Variants in IFT57 observed in about 807,000 individuals in gnomAD.
IFT57 encodes the protein intraflagellar transport 57, also known as intraflagellar transport protein 57 homolog.
IFT57 carries 59 observed loss-of-function variants against 56.8 expected under a neutral mutation model. The ratio of observed to expected loss-of-function variants is 1.04; its 90% confidence interval spans 0.84 to 1.29. IFT57 has a LOEUF of 1.29. IFT57 is among the 50% of genes most tolerant of loss of function. The pLI is 0.00. For missense variants in IFT57, 470 were observed against 522.1 expected (o/e 0.90, Z 0.97); for synonymous variants, 209 against 186.1 (o/e 1.12, Z -1.00).
chr3:108,165,381 C>A, intron 9 of IFT57, 50 bp downstream of exon 9: 1 of 1,484,110 alleles, frequency 6.7e-7, no homozygotes, highest in Non-Finnish European at 9.4e-7. Flanking sequence ...TTCTCAATGG[C>A]TGGGGCCCAG....
In IFT57 at chr3:108,222,259, C is replaced by A. The variant is rs762869978; in HGVS notation, c.64G>T (p.Gly22Cys). The change falls in exon 1 of 11, where the codon GGC becomes TGC. Residue 22 changes from glycine to cysteine, a missense_variant. By Grantham distance (159) the Gly-to-Cys change is radical. Coordinates refer to ENST00000264538, the MANE Select transcript of IFT57 (RefSeq NM_018010.4). ...AAGACCACTTCCCCGGTCCCTTCGC[C>A]ACGGGACCTAGGCACCCCATCTTCC... is the stretch of plus-strand genomic sequence containing the variant. The part of the protein sequence containing the change: ...GLEDGVPRSR[G>C]EGTGEVVLER... The A allele has an allele frequency of 1.2e-6, 2 of 1,614,092 alleles. No homozygotes were observed. The highest frequency in any genetic ancestry group is 1.7e-6 in the Non-Finnish European group (2 of 1,180,028).
intron 6 of IFT57, among the ~76,000 whole-genome samples, chr3:108,181,051 T>C (rs2080148912): frequency 6.6e-6 from 1 of 152,064 alleles, no homozygotes; most frequent in African/African-American, 2.4e-5. Flanking sequence ...TGATGCTCTT[T>C]AGTTACAACT....
chr3:108,176,048 C>CA (rs2108311845), intron 6 of IFT57, among the ~76,000 whole-genome samples: 1 of 151,912 alleles, frequency 6.6e-6, no homozygotes, highest in African/African-American at 2.4e-5. Flanking sequence ...CACTTTCCAT[C>CA]AAAAAACGTT....
In IFT57 at chr3:108,219,699, T is replaced by G; in HGVS notation, c.213-127A>C. ...CCCCCCAAATGGCCATCAAAAGACC[T>G]CGATAATTCACCCTTTGAAGTTTCC... On this transcript the variant is annotated intron_variant, in intron 1 of 10. Transcript: ENST00000264538. 4 of 911,106 alleles carry G rather than the reference T, an allele frequency of 4.4e-6. No individual in the cohort carries two copies. The South Asian group carries it at 6.8e-5, about 16-fold the overall frequency. The allele number at this position is 911,106 out of a possible 1,614,324, so 56.4% of individuals were successfully genotyped here.
chr3:108,175,156 G>C (rs2080117206), intron 6 of IFT57, among the ~76,000 whole-genome samples: 1 of 151,702 alleles, frequency 6.6e-6, no homozygotes, highest in Non-Finnish European at 1.5e-5. Flanking sequence ...TCAAGTTCTT[G>C]CTGGGGTCTA....
chr3:108,211,362 C>T (rs11928402), intron 4 of IFT57, among the ~76,000 whole-genome samples: 13,930 of 152,256 alleles, frequency 0.091, 703 homozygotes, highest in Middle Eastern at 0.12. Flanking sequence ...TGAGCTTGAA[C>T]GGAAAGATCT....
At chr3:108,202,779 T>C (rs932403413) in intron 5 of IFT57, among the ~76,000 whole-genome samples, 9 of 152,222 alleles carry the variant, frequency 5.9e-5, no homozygotes, top group African/African-American at 1.7e-4. Flanking sequence ...ACTTTAAATA[T>C]ATTTTTTAAA....
intron 6 of IFT57, among the ~76,000 whole-genome samples, chr3:108,174,237 C>G (rs565967932): frequency 2.5e-4 from 38 of 151,498 alleles, no homozygotes; most frequent in Non-Finnish European, 4.3e-4. Context: ...ATGATTATAA[C>G]TGTGGCATTT....
intron 6 of IFT57, among the ~76,000 whole-genome samples, chr3:108,190,089 A>T (rs2080206999): frequency 6.6e-6 from 1 of 152,106 alleles, no homozygotes. Context: ...TGTAACGTTT[A>T]TTGGGAAGTC....
At chr3:108,185,160 A>G (rs1392293408) in intron 6 of IFT57, among the ~76,000 whole-genome samples, 3 of 152,176 alleles carry the variant, frequency 2.0e-5, no homozygotes, top group Admixed American at 6.6e-5. Flanking sequence ...TTTCTCTTAT[A>G]CTGAAAATGC....
Position 108,191,520 on chromosome 3 carries a change from C to G in IFT57, c.777+1G>C. Reference sequence around the variant, plus strand: ...AAGAAAATGTGTTCCCACTTTGATACCTTATTGTCAGTCCTAATCGTGACT... The same window carrying G: ...AAGAAAATGTGTTCCCACTTTGATAGCTTATTGTCAGTCCTAATCGTGACT... On this transcript the variant is annotated splice_donor_variant, in intron 6 of 10. Coordinates refer to ENST00000264538, the MANE Select transcript of IFT57 (RefSeq NM_018010.4). LOFTEE classifies it high-confidence loss of function. The G allele has an allele frequency of 6.4e-7, 1 of 1,574,432 alleles. No homozygotes were observed. The highest frequency in any genetic ancestry group is 8.6e-7 in the Non-Finnish European group (1 of 1,162,712).
intron 5 of IFT57, 93 bp downstream of exon 5, chr3:108,206,535 C>A: frequency 2.0e-6 from 1 of 503,488 alleles, no homozygotes; most frequent in South Asian, 4.5e-5. Context: ...GCATACAAAA[C>A]AATGGCCAAC....
At chr3:108,185,939 T>C (rs2080179458) in intron 6 of IFT57, among the ~76,000 whole-genome samples, 1 of 152,104 alleles carries the variant, frequency 6.6e-6, no homozygotes, top group South Asian at 2.1e-4. Flanking sequence ...TTTAAAGTTT[T>C]TTGATATCGG....
intron 3 of IFT57, among the ~76,000 whole-genome samples, chr3:108,217,610 A>C (rs1286985854): frequency 6.6e-6 from 1 of 151,908 alleles, no homozygotes; most frequent in Non-Finnish European, 1.5e-5. Flanking sequence ...TAAACTTAAT[A>C]GGGAGATTAT....
intron 3 of IFT57, among the ~76,000 whole-genome samples, chr3:108,214,978 T>G (rs1258177972): frequency 6.6e-6 from 1 of 152,172 alleles, no homozygotes; most frequent in East Asian, 1.9e-4. Context: ...ACCTCTATAC[T>G]CCTCTGGTCT....
rs750751560 is a variant in IFT57 at position 108,218,591 on chromosome 3, A to G, written c.438T>C (p.Tyr146=). 1.9e-6 allele frequency: 3 copies of G among 1,572,592 alleles called. No homozygotes were observed. The highest frequency in any genetic ancestry group is 2.0e-5 in the Admixed American group (1 of 51,150). The change falls in exon 3 of 11, where the codon TAT becomes TAC. Residue 146 remains tyrosine, a synonymous_variant. Coordinates refer to ENST00000264538, the MANE Select transcript of IFT57 (RefSeq NM_018010.4). ...CTTCTTCAGCGAAGCAATCAAGAAC[A>G]TAGCATACATGTTCTCCATAACCTG... The part of the protein sequence containing the change: ...LKSGYGEHVC[Y]VLDCFAEEAL...
rs2080066095 is a variant in IFT57, at chr3:108,166,834, G to A, written c.981+20C>T. On this transcript the variant is annotated intron_variant, in intron 8 of 10. Coordinates refer to ENST00000264538, the MANE Select transcript of IFT57 (RefSeq NM_018010.4). ...GGGTTGTTAACTTGAATAAATCCTT[G>A]GAAATCATTCTTAAATTACCTCACT... is the stretch of plus-strand genomic sequence containing the variant. The A allele has an allele frequency of 6.2e-7, 1 of 1,601,790 alleles. No homozygotes were observed. The highest frequency in any genetic ancestry group is 8.5e-7 in the Non-Finnish European group (1 of 1,173,074).
At chr3:108,214,706 T>C (rs546895777) in intron 3 of IFT57, among the ~76,000 whole-genome samples, 6 of 152,318 alleles carry the variant, frequency 3.9e-5, no homozygotes, top group East Asian at 1.9e-4. Flanking sequence ...ATGAAAGTGA[T>C]TGAATATCTT....
chr3:108,189,854 A>G (rs565184779), intron 6 of IFT57, among the ~76,000 whole-genome samples: 2 of 152,322 alleles, frequency 1.3e-5, no homozygotes, highest in South Asian at 4.1e-4. Context: ...TGTATTATAT[A>G]CTGCATTCTT....
Sources: allele counts gnomAD v4.1 joint callset (sites outside exome capture counted in the v4.1 genomes callset), GRCh38; gene constraint gnomAD v4.1.1; transcripts MANE v1.5; gene names NCBI Gene and HGNC (gene_info 2026-07-23, HGNC 2026-07-21).